The following SPATA33 variants were observed in gnomAD, a reference collection of about 807,000 sequenced individuals.
The protein encoded by SPATA33 is spermatogenesis-associated protein 33.
In SPATA33, 10 loss-of-function variants were observed where a neutral mutation model predicts 8.9. That is an observed-to-expected ratio of 1.12 (90% confidence interval 0.69 to 1.90). SPATA33 has a LOEUF of 1.90. Ranked by LOEUF, SPATA33 falls within the 40% of genes most tolerant of loss-of-function variation. The probability of loss-of-function intolerance (pLI) is 0.00; values close to 1 mark genes in which losing one functional copy is unlikely to be tolerated. For synonymous variants in SPATA33, 96 were observed against 72.8 expected, an observed-to-expected ratio of 1.32 and a Z score of -1.63; for missense variants, 241 against 178.3, an observed-to-expected ratio of 1.35 and a Z score of -2.00.
At chr16:89,662,244 C>T (rs1459726709) in intron 2 of SPATA33, among the ~76,000 whole-genome samples, 1 of 150,678 alleles carries the variant, frequency 6.6e-6, no homozygotes, top group Admixed American at 6.6e-5. Flanking sequence ...CAGTGAGCCA[C>T]GATCATCCCA....
chr16:89,658,174 C>A, intron 1 of SPATA33, 74 bp from the exon 2 acceptor site: 1 of 1,591,046 alleles, frequency 6.3e-7, no homozygotes, highest in Non-Finnish European at 8.6e-7. Context: ...CCCACGCAGG[C>A]GACTGAAGAC....
chr16:89,662,121 G>C (rs916432719), intron 2 of SPATA33, among the ~76,000 whole-genome samples: 2 of 151,940 alleles, frequency 1.3e-5, no homozygotes, highest in Non-Finnish European at 2.9e-5. Flanking sequence ...GTGAAACCCT[G>C]TCTCTACAAA....
chr16:89,657,840 G>C lies in SPATA33; in HGVS notation c.-72G>C. 1 of 1,511,148 alleles carries C rather than the reference G, an allele frequency of 6.6e-7. No individual in the cohort carries two copies. The highest frequency in any genetic ancestry group is 8.8e-7 in the Non-Finnish European group (1 of 1,135,854). 93.6% of individuals were successfully genotyped at this position (1,511,148 alleles called of 1,614,324 possible). A position where few individuals can be genotyped will look rare whatever the true frequency, so the allele number is the denominator to read the frequency against. ...CCGCTGGCGCGAGGACCTTTTGTGA[G>C]TCGCTCCCGGCTCCGCGGCCGCGGA... On this transcript the variant is annotated 5_prime_UTR_variant, in exon 1 of 3. Coordinates refer to ENST00000579310, the MANE Select transcript of SPATA33 (RefSeq NM_001271907.2).
chr16:89,667,672 A>T (rs1254502016), intron 2 of SPATA33, among the ~76,000 whole-genome samples: 2 of 152,198 alleles, frequency 1.3e-5, no homozygotes, highest in African/African-American at 4.8e-5. Context: ...TCTCAAAAAG[A>T]AAAAGGGATA....
chr16:89,665,798 A>C (rs1242879999), intron 2 of SPATA33, among the ~76,000 whole-genome samples: 1 of 152,172 alleles, frequency 6.6e-6, no homozygotes, highest in Non-Finnish European at 1.5e-5. Flanking sequence ...AATAAAAATG[A>C]GGCCAAGTGT....
At chr16:89,662,101 G>T (rs1488790363) in intron 2 of SPATA33, among the ~76,000 whole-genome samples, 2 of 152,072 alleles carry the variant, frequency 1.3e-5, no homozygotes, top group African/African-American at 4.8e-5. Flanking sequence ...AGACCAGCAT[G>T]GCCAACATGG....
chr16:89,660,608 G>C (rs1019744407), intron 2 of SPATA33: 38 of 1,163,728 alleles, frequency 3.3e-5, no homozygotes, highest in Non-Finnish European at 4.1e-5. Context: ...AGTCCCAAAG[G>C]TGGGACACTG....
At chr16:89,663,243 T>C (rs961623736) in intron 2 of SPATA33, among the ~76,000 whole-genome samples, 1 of 105,076 alleles carries the variant, frequency 9.5e-6, no homozygotes, top group African/African-American at 4.2e-5. Flanking sequence ...TTCCATTTCT[T>C]TTTTTTTTTT....
chr16:89,662,807 G>A (rs554530301), intron 2 of SPATA33, among the ~76,000 whole-genome samples: 1 of 148,856 alleles, frequency 6.7e-6, no homozygotes, highest in South Asian at 2.1e-4. Flanking sequence ...TTGTTTGTTT[G>A]TTTTGAGATG....
In SPATA33 at chr16:89,668,583, G is replaced by A. The variant is rs531862698; in HGVS notation, c.212-703G>A. Among the ~76,000 whole-genome samples, 6 of 152,054 alleles carry A rather than the reference G, an allele frequency of 3.9e-5. No homozygotes were observed. The South Asian group carries it at 1.0e-3, about 26-fold the overall frequency. The stretch of plus-strand genomic sequence containing the variant: ...GTGGCACTCCAGGAAGGGGGCGGGC[G>A]GCTGTGCCCGAGCTCGTAGCAGTGG... On this transcript the variant is annotated intron_variant, in intron 2 of 2. Transcript: ENST00000579310.
chr16:89,657,907 C>CCG lies in SPATA33; in HGVS notation c.-5_-4insCG, dbSNP rs1219343719. The CCG allele has an allele frequency of 5.9e-6, 9 of 1,516,706 alleles. No individual in the cohort carries two copies. Among genetic ancestry groups the CCG allele is most frequent in the East Asian group, 5.2e-5 (2 of 38,274 alleles). 94.0% of individuals were successfully genotyped at this position (1,516,706 alleles called of 1,614,324 possible). ...CTTGCGTCGGAGGGGGCGGTGGGCT[C>CCG]ACCCATGGGCCTTTCCAAAAGCAAA... On this transcript the variant is annotated 5_prime_UTR_variant, in exon 1 of 3. Coordinates refer to ENST00000579310, the MANE Select transcript of SPATA33 (RefSeq NM_001271907.2).
At position 89,669,638 on chromosome 16, in the gene SPATA33, G is replaced by T; in HGVS notation, c.*141G>T. On this transcript the variant is annotated 3_prime_UTR_variant, in exon 3 of 3. Transcript: ENST00000579310. ...GGCCCACCCCACCCTGTGAGAAACT[G>T]CAGCCCCCTTCTCCAGTGCTTTCGG... 1.3e-6 allele frequency: 1 copy of T among 775,896 alleles called. No individual in the cohort carries two copies. Among genetic ancestry groups the T allele is most frequent in the Non-Finnish European group, 2.0e-6 (1 of 494,070 alleles). The allele number at this position is 775,896 out of a possible 1,614,324, so 48.1% of individuals were successfully genotyped here.
chr16:89,665,573 C>T (rs1196478783), intron 2 of SPATA33, among the ~76,000 whole-genome samples: 1 of 152,068 alleles, frequency 6.6e-6, no homozygotes, highest in South Asian at 2.1e-4. Context: ...ATCGGCCTCC[C>T]AAGGTGCTGG....
At chr16:89,662,323 C>T (rs749350228) in intron 2 of SPATA33, among the ~76,000 whole-genome samples, 26 of 150,204 alleles carry the variant, frequency 1.7e-4, no homozygotes, top group South Asian at 4.2e-4. Context: ...AGGAAAAAAA[C>T]GAAGAAAGAA....
At chr16:89,658,488 G>A in intron 2 of SPATA33, 67 bp downstream of exon 2, 3 of 1,536,086 alleles carry the variant, frequency 2.0e-6, no homozygotes, top group Non-Finnish European at 2.6e-6. Flanking sequence ...GGGGTGAGGA[G>A]CCTACTGTAA....
intron 2 of SPATA33, chr16:89,661,202 G>A: frequency 1.0e-6 from 1 of 985,444 alleles, no homozygotes; most frequent in Non-Finnish European, 1.2e-6. Context: ...GCAGCTGTTA[G>A]GATATTGATG....
intron 2 of SPATA33, among the ~76,000 whole-genome samples, chr16:89,665,666 T>C (rs1331679265): frequency 1.3e-5 from 2 of 152,162 alleles, no homozygotes; most frequent in Non-Finnish European, 2.9e-5. Flanking sequence ...ATAAGTCTTG[T>C]TTTAGACTAG....
intron 2 of SPATA33, among the ~76,000 whole-genome samples, chr16:89,667,321 T>G (rs2151533881): frequency 6.6e-6 from 1 of 152,332 alleles, no homozygotes; most frequent in Middle Eastern, 3.4e-3. Context: ...ATGACCTGGT[T>G]TTTCCTAGGT....
chr16:89,660,845 C>G, intron 2 of SPATA33: 1 of 1,151,970 alleles, frequency 8.7e-7, no homozygotes, highest in Non-Finnish European at 1.1e-6. Context: ...CTAAGCCCTT[C>G]CAGCCCAGGA....
Sources: allele counts gnomAD v4.1 joint callset (sites outside exome capture counted in the v4.1 genomes callset), GRCh38; gene constraint gnomAD v4.1.1; transcripts MANE v1.5; gene names NCBI Gene and HGNC (gene_info 2026-07-23, HGNC 2026-07-21).